Variants in FBXO31 observed in about 807,000 individuals in gnomAD.
FBXO31 encodes the protein F-box only protein 31.
A neutral mutation model predicts 54.4 loss-of-function variants in FBXO31; 24 were observed. That is an observed-to-expected ratio of 0.44 (90% CI 0.32 to 0.62). FBXO31 has a LOEUF of 0.62. Ranked by LOEUF, FBXO31 falls within the 20% of genes least tolerant of loss-of-function variation. FBXO31 has a pLI of 0.05. For synonymous variants in FBXO31, 388 were observed against 335.6 expected, an observed-to-expected ratio of 1.16 and a Z score of -1.71; for missense variants, 665 against 787.1, an observed-to-expected ratio of 0.84 and a Z score of 1.86.
chr16:87,333,721 G>A (rs549321079), intron 8 of FBXO31, among the ~76,000 whole-genome samples, 165 bp downstream of exon 8: 32 of 152,290 alleles, frequency 2.1e-4, no homozygotes, highest in Admixed American at 1.8e-3. Flanking sequence ...AGGTGCTGGG[G>A]AACATGGCCC....
In FBXO31 at chr16:87,329,715, C is replaced by A. The variant is rs1016251753; in HGVS notation, c.*1573G>T. 2.6e-5 allele frequency: 4 copies of A among 151,786 alleles called. No individual in the cohort carries two copies. The highest frequency in any genetic ancestry group is 4.4e-5 in the Non-Finnish European group (3 of 68,054). The allele number at this position is 151,786 out of a possible 1,614,324, so 9.4% of individuals were successfully genotyped here. A position where few individuals can be genotyped will look rare whatever the true frequency, so the allele number is the denominator to read the frequency against. On this transcript the variant is annotated 3_prime_UTR_variant, in exon 9 of 9. Transcript: ENST00000311635. ...GGGTCTGCGTGGCTCCCGCTGCTGC[C>A]GCCCTGGAAGGGCGCTTTCTCCACT...
chr16:87,343,853 C>A, intron 3 of FBXO31, 88 bp from the exon 4 acceptor site: 1 of 1,407,688 alleles, frequency 7.1e-7, no homozygotes, highest in Non-Finnish European at 9.9e-7. Flanking sequence ...TGCAATGGCA[C>A]AGAGAAGCTC....
intron 1 of FBXO31, among the ~76,000 whole-genome samples, chr16:87,375,607 G>C (rs559323096): frequency 6.6e-6 from 1 of 152,344 alleles, no homozygotes; most frequent in African/African-American, 2.4e-5. Flanking sequence ...GCCACGGCAA[G>C]AGAGGCAGCC....
At chr16:87,380,289 T>G (rs1597380744) in intron 1 of FBXO31, among the ~76,000 whole-genome samples, 1 of 96,214 alleles carries the variant, frequency 1.0e-5, no homozygotes. Context: ...AGAGCGAGAC[T>G]CCGTCTCAAA....
upstream of FBXO31, among the ~76,000 whole-genome samples, chr16:87,390,945 G>A (rs969047062): frequency 6.6e-6 from 1 of 152,132 alleles, no homozygotes; most frequent in Non-Finnish European, 1.5e-5. Context: ...GAGTGTATTA[G>A]CCTAATCCAA....
chr16:87,370,739 G>T (rs1041314387), intron 1 of FBXO31, among the ~76,000 whole-genome samples: 1 of 152,270 alleles, frequency 6.6e-6, no homozygotes, highest in African/African-American at 2.4e-5. Context: ...CAGAGGGGGC[G>T]GCGAGTGCTG....
intron 1 of FBXO31, among the ~76,000 whole-genome samples, chr16:87,377,202 T>C (rs1016327489): frequency 6.6e-6 from 1 of 152,212 alleles, no homozygotes; most frequent in East Asian, 1.9e-4. Context: ...CCTAGCACTT[T>C]GGGAGGCCGA....
At position 87,383,566 on chromosome 16, in the gene FBXO31, G is replaced by A. The variant is rs759034292; in HGVS notation, c.179C>T (p.Pro60Leu). 8 of 1,525,650 alleles carry A rather than the reference G, an allele frequency of 5.2e-6. No homozygotes were observed. The highest frequency in any genetic ancestry group is 1.2e-5 in the South Asian group (1 of 81,660). The allele number at this position is 1,525,650 out of a possible 1,614,324, so 94.5% of individuals were successfully genotyped here. A position where few individuals can be genotyped will look rare whatever the true frequency, so the allele number is the denominator to read the frequency against. Reference sequence around the variant, plus strand: ...CAGCAGCGAGCAGCGCGGGGGCGGCGGCGAGGGGCCCGCGCACAAGCCGCC... The same window carrying A: ...CAGCAGCGAGCAGCGCGGGGGCGGCAGCGAGGGGCCCGCGCACAAGCCGCC... ...VGGGLCAGPS[P>L]PPPRCSLLEL... The change falls in exon 1 of 9, where the codon CCG (proline) becomes CTG (leucine). Residue 60 changes from proline to leucine, a missense_variant. Around this residue, in one of 4 missense-constraint regions of FBXO31, gnomAD observed 195 missense variants for 174.8 expected, o/e 1.12. Transcript: ENST00000311635. The surrounding 1 kb of genome is among the most constrained non-coding windows in gnomAD (Gnocchi z 4.9).
chr16:87,383,758 G>C lies in FBXO31; in HGVS notation c.-14C>G, dbSNP rs1348170922. 6.7e-6 allele frequency: 8 copies of C among 1,196,822 alleles called. No individual in the cohort carries two copies. The African/African-American group carries it at 8.0e-5, about 12-fold the overall frequency. The allele number at this position is 1,196,822 out of a possible 1,614,324, so 74.1% of individuals were successfully genotyped here. ...ACACACCGCCATGCCGCCCAGTGACGGCCACTGCTGCCGCCTGTGCGCACG... is the reference window on the plus strand; with the variant it reads ...ACACACCGCCATGCCGCCCAGTGACCGCCACTGCTGCCGCCTGTGCGCACG... On this transcript the variant is annotated 5_prime_UTR_variant, in exon 1 of 9. Transcript: ENST00000311635. This position sits in a 1 kb window ranked among gnomAD's most constrained non-coding sequence, Gnocchi z 4.9.
intron 2 of FBXO31, among the ~76,000 whole-genome samples, chr16:87,350,629 C>T (rs1407184390): frequency 6.6e-6 from 1 of 152,168 alleles, no homozygotes; most frequent in Non-Finnish European, 1.5e-5. Flanking sequence ...CAGGGATGGA[C>T]TGCTGGGCGG....
chr16:87,374,161 G>A (rs1045156562), intron 1 of FBXO31, among the ~76,000 whole-genome samples: 2 of 151,668 alleles, frequency 1.3e-5, no homozygotes, highest in South Asian at 2.1e-4. Context: ...AGGATTCCTC[G>A]AGCCTAGGAG....
intron 5 of FBXO31, among the ~76,000 whole-genome samples, chr16:87,337,264 C>T (rs897584528): frequency 6.6e-6 from 1 of 152,228 alleles, no homozygotes; most frequent in Admixed American, 6.5e-5. Flanking sequence ...CTGAAAACCA[C>T]TAACCACCGC....
chr16:87,383,364 A>ACCCCCCCCCCCCCCCCCCCCCCCCCC lies in FBXO31; in HGVS notation c.340+40_340+41insGGGGGGGGGGGGGGGGGGGGGGGGGG. 3.8e-6 allele frequency: 5 copies of ACCCCCCCCCCCCCCCCCCCCCCCCCC among 1,329,436 alleles called. No individual in the cohort carries two copies. The highest frequency in any genetic ancestry group is 5.1e-6 in the Non-Finnish European group (5 of 975,766). The allele number at this position is 1,329,436 out of a possible 1,614,324, so 82.4% of individuals were successfully genotyped here. On this transcript the variant is annotated intron_variant, in intron 1 of 8. Transcript: ENST00000311635. The surrounding 1 kb of genome is among the most constrained non-coding windows in gnomAD (Gnocchi z 4.9). ...GCTCCGAGGCCTCCACCTGGCAGGGACCCCCCGCCCCTCCCGGCCCCGCCA... is the reference window on the plus strand; with the variant it reads ...GCTCCGAGGCCTCCACCTGGCAGGGACCCCCCCCCCCCCCCCCCCCCCCCCCCCCCCCGCCCCTCCCGGCCCCGCCA...
chr16:87,366,054 A>C (rs575562961), intron 1 of FBXO31, among the ~76,000 whole-genome samples: 1 of 152,144 alleles, frequency 6.6e-6, no homozygotes, highest in East Asian at 1.9e-4. Context: ...AACAAAAAAC[A>C]AATCGGTCAA....
chr16:87,331,762 G>T (rs1904869430), intron 8 of FBXO31, among the ~76,000 whole-genome samples: 1 of 152,248 alleles, frequency 6.6e-6, no homozygotes, highest in African/African-American at 2.4e-5. Flanking sequence ...AGAGCTCGGG[G>T]CTGCTCGGGG....
In FBXO31 at chr16:87,360,320, C is replaced by T; in HGVS notation, c.387G>A (p.Val129=). ...GCTTCGCATAGACGTCCCGACAAGA[C>T]ACGCCTGTGATCTCCAGCTTCCGCA... ...ENLRKLEITG[V]SCRDVYAKLL... The change falls in exon 2 of 9, where the codon GTG becomes GTA. Residue 129 remains valine (V), a synonymous_variant. Transcript: ENST00000311635. 1.9e-6 allele frequency: 3 copies of T among 1,614,232 alleles called. No individual in the cohort carries two copies. The highest frequency in any genetic ancestry group is 2.5e-6 in the Non-Finnish European group (3 of 1,180,034).
intron 3 of FBXO31, 62 bp from the exon 4 acceptor site, chr16:87,343,827 G>C: frequency 3.2e-6 from 5 of 1,575,408 alleles, no homozygotes; most frequent in Non-Finnish European, 4.3e-6. Flanking sequence ...GGGCGGCCCC[G>C]CACGGCTCCC....
rs149952309 is a variant in FBXO31 at position 87,336,618 on chromosome 16, TAC to T, written c.733-356_733-355del. ...CCACCGGTGGGGCAGGAACAGCATC[TAC>T]ACAGACTCTGGCCCTGCACAGCACA... On this transcript the variant is annotated intron_variant, in intron 5 of 8. Coordinates refer to ENST00000311635, the MANE Select transcript of FBXO31 (RefSeq NM_024735.5). This position sits in a 1 kb window ranked among gnomAD's most constrained non-coding sequence, Gnocchi z 6.5. 7.0e-4 allele frequency among the ~76,000 whole-genome samples: 106 copies of T among 152,192 alleles called. No homozygotes were observed. Among genetic ancestry groups the T allele is most frequent in the African/African-American group, 2.4e-3 (100 of 41,534 alleles).
chr16:87,389,029 A>G (rs1907422513), intron 1 of FBXO31, among the ~76,000 whole-genome samples: 1 of 152,180 alleles, frequency 6.6e-6, no homozygotes, highest in Admixed American at 6.6e-5. Context: ...AATTTCTACT[A>G]AACTGCAGTC....
Sources: gnomAD v4.1 joint callset for allele counts (sites outside exome capture counted in the v4.1 genomes callset) on GRCh38, gnomAD v4.1.1 for gene constraint, gnomAD v4.1.1 regional missense constraint, Gnocchi (gnomAD v3.1) non-coding constraint, MANE v1.5 for transcripts, NCBI Gene and HGNC (gene_info 2026-07-23, HGNC 2026-07-21) for gene names.